ING5: variants seen among roughly 807,000 people sequenced by gnomAD.
ING5 encodes inhibitor of growth protein 5.
ING5 carries 17 observed loss-of-function variants against 37.4 expected under a neutral mutation model. The ratio of observed to expected loss-of-function variants is 0.45; its 90% CI spans 0.31 to 0.68. ING5 has a LOEUF of 0.68. ING5 is among the 30% of genes least tolerant of loss of function. ING5 has a pLI of 0.05. For synonymous variants in ING5, 123 were observed against 116.6 expected, an observed-to-expected ratio of 1.06 and a Z score of -0.36; for missense variants, 233 against 311.9, an observed-to-expected ratio of 0.75 and a Z score of 1.91.
exon 2 of ING5, chr2:241,690,446 T>C (rs931591328): frequency 1.0e-5 from 4 of 393,414 alleles, no homozygotes; most frequent in Non-Finnish European, 1.8e-5. Context: ...TCCTAGCAGT[T>C]CTCTTGGTGT....
At chr2:241,705,386 G>C (rs111363016) in intron 2 of ING5, among the ~76,000 whole-genome samples, 23 of 134,280 alleles carry the variant, frequency 1.7e-4, no homozygotes, top group Non-Finnish European at 3.5e-4. Context: ...CCCTAACTCT[G>C]TTTTTTTCTT....
chr2:241,721,286 A>C, intron 5 of ING5: 2 of 985,442 alleles, frequency 2.0e-6, no homozygotes, highest in Non-Finnish European at 2.4e-6. Context: ...AGACTACTTG[A>C]GACTGTTGCT....
chr2:241,697,997 G>C (rs34071820), upstream of ING5, among the ~76,000 whole-genome samples: 93,187 of 150,398 alleles, frequency 0.62, 29,021 homozygotes, highest in Admixed American at 0.66. Flanking sequence ...GCAGGAGAAT[G>C]GCTGGAACCC....
At chr2:241,701,020 C>T (rs1396025154), upstream of ING5, among the ~76,000 whole-genome samples, 2 of 147,976 alleles carry the variant, frequency 1.4e-5, no homozygotes, top group African/African-American at 5.0e-5. Context: ...GTCGCCCAGG[C>T]TGGAGTGCAG....
intron 5 of ING5, among the ~76,000 whole-genome samples, chr2:241,713,946 C>A (rs554568307): frequency 4.0e-5 from 6 of 150,870 alleles, no homozygotes; most frequent in African/African-American, 1.2e-4. Context: ...GTCAAGATCA[C>A]ACCACTGCAC....
intron 7 of ING5, among the ~76,000 whole-genome samples, chr2:241,724,437 G>A (rs1691526137): frequency 6.6e-6 from 1 of 151,438 alleles, no homozygotes; most frequent in Non-Finnish European, 1.5e-5. Context: ...TTGCCGTCAT[G>A]CGAGTCGGCT....
chr2:241,713,310 G>A (rs978305542), intron 5 of ING5, among the ~76,000 whole-genome samples: 3 of 151,002 alleles, frequency 2.0e-5, no homozygotes, highest in African/African-American at 7.3e-5. Flanking sequence ...CACCTGCCTC[G>A]GCCTCCCAAA....
At chr2:241,721,366 C>T (rs1391443312) in intron 5 of ING5, 6 of 985,386 alleles carry the variant, frequency 6.1e-6, no homozygotes, top group Non-Finnish European at 7.2e-6. Flanking sequence ...AAAGAGAAAC[C>T]CCTGTCTATT....
chr2:241,701,472 G>A (rs2069723805), upstream of ING5, among the ~76,000 whole-genome samples: 1 of 152,310 alleles, frequency 6.6e-6, no homozygotes, highest in African/African-American at 2.4e-5. Flanking sequence ...GCGTTGGCGG[G>A]GGAAGGGCGC....
rs530005061 is a variant in ING5, at chr2:241,724,811, C to T, written c.681-178C>T. 246 of 618,688 alleles carry T rather than the reference C, an allele frequency of 4.0e-4. 1 individual carries two copies. The highest frequency in any genetic ancestry group is 2.7e-3 in the African/African-American group (144 of 54,316). The allele number at this position is 618,688 out of a possible 1,614,324, so 38.3% of individuals were successfully genotyped here. Reference sequence around the variant, plus strand: ...TCAGAACCGGCGTCCTGCATAGAGCCGCACGTGCATCGGCGCATTTTCCCT... The same window carrying T: ...TCAGAACCGGCGTCCTGCATAGAGCTGCACGTGCATCGGCGCATTTTCCCT... On this transcript the variant is annotated intron_variant, in intron 7 of 7. Transcript: ENST00000313552.
intron 7 of ING5, among the ~76,000 whole-genome samples, chr2:241,724,448 G>A (rs1022927114): frequency 1.3e-4 from 20 of 152,150 alleles, no homozygotes; most frequent in African/African-American, 4.8e-4. Context: ...CGAGTCGGCT[G>A]CCTCCTGCGT....
chr2:241,723,653 A>G (rs1021923825), intron 7 of ING5: 46 of 1,045,318 alleles, frequency 4.4e-5, no homozygotes, highest in Non-Finnish European at 5.6e-5. Flanking sequence ...GAAATATAGC[A>G]TGAGATGTGA....
chr2:241,691,267 C>T (rs1338840779), intron 2 of ING5, among the ~76,000 whole-genome samples: 1 of 151,532 alleles, frequency 6.6e-6, no homozygotes, highest in South Asian at 2.1e-4. Context: ...GGTGAAACAC[C>T]GTCTCTACTA....
At chr2:241,699,662 C>T (rs912341274), upstream of ING5, among the ~76,000 whole-genome samples, 12 of 150,258 alleles carry the variant, frequency 8.0e-5, no homozygotes, top group East Asian at 2.0e-4. Flanking sequence ...CGTTGCATCT[C>T]GGAAGTCAAG....
chr2:241,693,022 A>G (rs2069577033), intron 2 of ING5, among the ~76,000 whole-genome samples: 2 of 152,002 alleles, frequency 1.3e-5, no homozygotes, highest in African/African-American at 4.8e-5. Context: ...GCACTTTGGG[A>G]GGCAGAGGCG....
Position 241,719,567 on chromosome 2 carries a change from T to C in ING5, c.483-3372T>C, listed in dbSNP as rs1254349361. The C allele has an allele frequency of 2.6e-6, 4 of 1,535,994 alleles. No homozygotes were observed. In the East Asian group the frequency reaches 9.8e-5, roughly 38 times the overall value. On this transcript the variant is annotated intron_variant, in intron 5 of 7. Transcript: ENST00000313552. The stretch of plus-strand genomic sequence containing the variant: ...CGACCGTGCCTTTTCTGCGTGAAAG[T>C]GGGACTCCTCCTGGTCTCTTCCTCA...
chr2:241,704,522 C>T (rs1030440657), intron 1 of ING5, 131 bp from the exon 2 acceptor site: 9 of 707,588 alleles, frequency 1.3e-5, no homozygotes, highest in Admixed American at 4.1e-5. Context: ...GAGCCAAGAT[C>T]GCACCACTGC....
intron 7 of ING5, chr2:241,724,480 CTG>C (rs2124956337): frequency 6.0e-6 from 1 of 166,080 alleles, no homozygotes; most frequent in Admixed American, 5.9e-5. Flanking sequence ...GGAATGTCCT[CTG>C]TGGTCAGCAG....
intron 5 of ING5, chr2:241,719,431 C>T: frequency 1.1e-6 from 1 of 914,476 alleles, no homozygotes; most frequent in Non-Finnish European, 1.7e-6. Flanking sequence ...TCCCCGACAT[C>T]TTTGAGAATG....
Sources: allele counts gnomAD v4.1 joint callset (sites outside exome capture counted in the v4.1 genomes callset), GRCh38; gene constraint gnomAD v4.1.1; transcripts MANE v1.5; gene names NCBI Gene and HGNC (gene_info 2026-07-23, HGNC 2026-07-21).